EXOC4: variants seen among roughly 807,000 people sequenced by gnomAD.
EXOC4 encodes the protein exocyst complex component 4.
In EXOC4, 71 loss-of-function variants were observed where a neutral mutation model predicts 107.2. That is an observed-to-expected ratio of 0.66 (90% confidence interval 0.55 to 0.81). EXOC4 has a LOEUF of 0.81. Among genes scored for constraint, EXOC4 ranks in the 30% least tolerant of loss-of-function variants. The pLI, the probability that EXOC4 is intolerant of heterozygous loss-of-function variation, is 0.00. For synonymous variants in EXOC4, 456 were observed against 441.2 expected (o/e 1.03, Z -0.42); for missense variants, 1,108 against 1,189.6 (o/e 0.93, Z 1.01).
At chr7:133,994,464 C>T (rs1794336815) in intron 14 of EXOC4, among the ~76,000 whole-genome samples, 1 of 152,090 alleles carries the variant, frequency 6.6e-6, no homozygotes, top group Admixed American at 6.6e-5. Context: ...GCCTGAATAA[C>T]TGTGAAACAA....
chr7:133,603,395 A>G (rs1208847903), intron 9 of EXOC4, among the ~76,000 whole-genome samples: 2 of 152,216 alleles, frequency 1.3e-5, no homozygotes, highest in African/African-American at 2.4e-5. Flanking sequence ...AGATGGGGGT[A>G]TCTTTTGAGA....
intron 10 of EXOC4, among the ~76,000 whole-genome samples, chr7:133,780,360 G>T (rs1796439573): frequency 1.3e-5 from 2 of 150,722 alleles, no homozygotes; most frequent in South Asian, 4.2e-4. Context: ...AAGTTAATAT[G>T]AGGCTTTTTG....
At chr7:133,997,717 C>A (rs776157057) in intron 15 of EXOC4, 84 bp downstream of exon 15, 160 of 1,454,154 alleles carry the variant, frequency 1.1e-4, no homozygotes, top group Non-Finnish European at 1.9e-5. Context: ...GCAGTATCAC[C>A]ATAATTTCTG....
At chr7:133,355,465 A>G (rs961362632) in intron 5 of EXOC4, among the ~76,000 whole-genome samples, 3 of 152,218 alleles carry the variant, frequency 2.0e-5, no homozygotes, top group African/African-American at 4.8e-5. Flanking sequence ...AGTTTTGCAT[A>G]TGTATATTCA....
At chr7:133,564,974 G>A (rs1361433776) in intron 9 of EXOC4, among the ~76,000 whole-genome samples, 1 of 152,122 alleles carries the variant, frequency 6.6e-6, no homozygotes, top group Non-Finnish European at 1.5e-5. Flanking sequence ...GACAACCTCG[G>A]GGTCTAACAT....
chr7:133,552,477 G>T (rs1023390727), intron 9 of EXOC4, among the ~76,000 whole-genome samples: 4 of 152,136 alleles, frequency 2.6e-5, no homozygotes, highest in African/African-American at 4.8e-5. Flanking sequence ...TCCAACATGT[G>T]AGAGAAATTG....
At chr7:134,026,563 C>G (rs1385429973) in intron 17 of EXOC4, among the ~76,000 whole-genome samples, 2 of 150,740 alleles carry the variant, frequency 1.3e-5, no homozygotes, top group African/African-American at 2.4e-5. Context: ...TCCCTAAGCC[C>G]AATAGCAGTT....
At chr7:133,998,875 G>C (rs770229221) in intron 15 of EXOC4, among the ~76,000 whole-genome samples, 4 of 152,142 alleles carry the variant, frequency 2.6e-5, no homozygotes, top group Non-Finnish European at 5.9e-5. Context: ...GAGAAGCATA[G>C]GATTTGGGAC....
intron 9 of EXOC4, among the ~76,000 whole-genome samples, chr7:133,594,003 T>C (rs1801607851): frequency 6.6e-6 from 1 of 152,224 alleles, no homozygotes; most frequent in Non-Finnish European, 1.5e-5. Context: ...AGTAATGTTC[T>C]TCTAACAAGT....
chr7:133,461,665 A>G (rs1309728169), intron 7 of EXOC4, among the ~76,000 whole-genome samples: 1 of 152,198 alleles, frequency 6.6e-6, no homozygotes, highest in South Asian at 2.1e-4. Context: ...AATGTAATAA[A>G]TGGTATTCCT....
At chr7:133,731,778 A>G (rs1258980075) in intron 10 of EXOC4, among the ~76,000 whole-genome samples, 1 of 152,184 alleles carries the variant, frequency 6.6e-6, no homozygotes, top group African/African-American at 2.4e-5. Flanking sequence ...AAATTTAATT[A>G]TATCAAAGTA....
chr7:133,696,655 T>A (rs1794540447), intron 10 of EXOC4, among the ~76,000 whole-genome samples: 1 of 152,240 alleles, frequency 6.6e-6, no homozygotes, highest in Non-Finnish European at 1.5e-5. Context: ...TTGTTGTTGT[T>A]GTTGTTGATA....
intron 9 of EXOC4, chr7:133,576,981 C>G (rs926969394): frequency 1.5e-6 from 1 of 684,968 alleles, no homozygotes; most frequent in Non-Finnish European, 2.1e-6. Context: ...AGATAATATG[C>G]CCGGGGTTGG....
chr7:133,456,987 C>T (rs1194025215), intron 7 of EXOC4, among the ~76,000 whole-genome samples: 2 of 152,180 alleles, frequency 1.3e-5, no homozygotes, highest in Non-Finnish European at 2.9e-5. Flanking sequence ...CTGAGAGCTC[C>T]TTCAGAGCAT....
At chr7:134,092,442 AAT>A in the EXOC4 span, among the ~76,000 whole-genome samples, 1 of 152,148 alleles carries the variant, frequency 6.6e-6, no homozygotes, top group African/African-American at 2.4e-5. Context: ...TTAATCAGCC[AAT>A]ATGAATATTT....
intron 9 of EXOC4, among the ~76,000 whole-genome samples, chr7:133,609,997 T>C (rs1231610577): frequency 6.6e-6 from 1 of 152,242 alleles, no homozygotes; most frequent in Non-Finnish European, 1.5e-5. Flanking sequence ...TGTTCTGTAA[T>C]CTTAGTCTTC....
chr7:133,696,684 A>G (rs1361854517), intron 10 of EXOC4, among the ~76,000 whole-genome samples: 2 of 152,202 alleles, frequency 1.3e-5, no homozygotes, highest in East Asian at 3.8e-4. Flanking sequence ...AGAATAACAT[A>G]ATTATTGATT....
intron 11 of EXOC4, among the ~76,000 whole-genome samples, chr7:133,819,313 C>T (rs1054813729): frequency 2.0e-5 from 3 of 146,830 alleles, no homozygotes. Flanking sequence ...GATAGATCTC[C>T]CCAGTTAATC....
intron 12 of EXOC4, among the ~76,000 whole-genome samples, chr7:133,905,401 T>C (rs537912791): frequency 6.6e-6 from 1 of 152,276 alleles, no homozygotes; most frequent in South Asian, 2.1e-4. Context: ...TCCACACCCC[T>C]TGGGGCTTAA....
Sources: gnomAD v4.1 joint callset for allele counts (sites outside exome capture counted in the v4.1 genomes callset) on GRCh38, gnomAD v4.1.1 for gene constraint, MANE v1.5 for transcripts, NCBI Gene and HGNC (gene_info 2026-07-23, HGNC 2026-07-21) for gene names.